PEAK1: variants seen among roughly 807,000 people sequenced by gnomAD.
The protein encoded by PEAK1 is pseudopodium enriched atypical kinase 1.
Under a neutral mutation model 124.7 loss-of-function variants are expected in PEAK1, and 54 were observed. The observed-to-expected ratio is 0.43, with a 90% confidence interval of 0.35 to 0.54. PEAK1 has a LOEUF of 0.54. PEAK1 is among the 20% of genes least tolerant of loss of function. The pLI, the probability that PEAK1 is intolerant of heterozygous loss-of-function variation, is 0.01. For missense variants in PEAK1, 2,046 were observed against 2,134.5 expected (o/e 0.96, Z 0.82); for synonymous variants, 719 against 760.0 (o/e 0.95, Z 0.89).
At chr15:77,403,650 A>G (rs1280880877) in intron 1 of PEAK1, 2 of 885,662 alleles carry the variant, frequency 2.3e-6, no homozygotes, top group East Asian at 2.4e-4. Flanking sequence ...AGATGAATAA[A>G]ACACATCCCC....
At position 77,291,870 on chromosome 15, in the gene PEAK1, A is replaced by G. The variant is rs546892674; in HGVS notation, c.-602-5366T>C. Among the ~76,000 whole-genome samples the G allele has an allele frequency of 2.6e-5, 4 of 151,510 alleles. No homozygotes were observed. The South Asian group carries it at 8.4e-4, about 32-fold the overall frequency. Reference sequence around the variant, plus strand: ...TGGGTGCCTGTAGTCCCCGCTACTCAGGAGGCTGAGGCAGGAGAATGGCGT... The same window carrying G: ...TGGGTGCCTGTAGTCCCCGCTACTCGGGAGGCTGAGGCAGGAGAATGGCGT... On this transcript the variant is annotated intron_variant, in intron 2 of 9. Transcript: ENST00000682557.
chr15:77,401,660 C>G (rs901633105), intron 1 of PEAK1: 6 of 985,058 alleles, frequency 6.1e-6, no homozygotes, highest in East Asian at 2.3e-4. Flanking sequence ...CTTCAATGGA[C>G]ATTGCCACGA....
At chr15:77,166,805 C>G (rs1454267268) in intron 7 of PEAK1, among the ~76,000 whole-genome samples, 2 of 151,900 alleles carry the variant, frequency 1.3e-5, no homozygotes, top group South Asian at 2.1e-4. Flanking sequence ...AAGCAGAGCT[C>G]AAGTAACTTA....
intron 2 of PEAK1, among the ~76,000 whole-genome samples, chr15:77,316,743 ATATG>A (rs2064902744): frequency 6.6e-6 from 1 of 152,190 alleles, no homozygotes; most frequent in Non-Finnish European, 1.5e-5. Flanking sequence ...TATTAAAACT[ATATG>A]TATACCTATG....
chr15:77,410,205 A>G (rs1299220694), intron 1 of PEAK1, among the ~76,000 whole-genome samples: 1 of 151,918 alleles, frequency 6.6e-6, no homozygotes, highest in African/African-American at 2.4e-5. Flanking sequence ...CTCCTGCCTC[A>G]GCCTCCTGAG....
chr15:77,361,802 T>C (rs532211643), intron 2 of PEAK1, among the ~76,000 whole-genome samples: 54 of 151,568 alleles, frequency 3.6e-4, no homozygotes, highest in African/African-American at 9.7e-4. Flanking sequence ...CTACTGACAA[T>C]AGCCAAGATA....
intron 2 of PEAK1, among the ~76,000 whole-genome samples, chr15:77,323,614 C>T (rs1228883535): frequency 1.3e-5 from 2 of 152,210 alleles, no homozygotes; most frequent in South Asian, 2.1e-4. Flanking sequence ...CTACAAACCA[C>T]TGCTCAATGA....
chr15:77,151,296 C>T (rs1280328178), intron 8 of PEAK1, among the ~76,000 whole-genome samples: 1 of 151,976 alleles, frequency 6.6e-6, no homozygotes. Flanking sequence ...TGTCTTTTGG[C>T]TGCATAAATG....
At chr15:77,388,806 C>A (rs371215884) in intron 1 of PEAK1, among the ~76,000 whole-genome samples, 106 of 142,726 alleles carry the variant, frequency 7.4e-4, no homozygotes, top group Non-Finnish European at 6.8e-4. Context: ...CTTCACACTA[C>A]AAAAAAAAAA....
chr15:77,348,799 G>T (rs986639770), intron 2 of PEAK1: 51 of 919,998 alleles, frequency 5.5e-5, no homozygotes, highest in Non-Finnish European at 6.1e-5. Flanking sequence ...TTGTTTTTGT[G>T]GGGGAGGGGG....
rs1223118823 is a variant in PEAK1 at position 77,113,592 on chromosome 15, A to C, written c.*564T>G. 3 of 156,208 alleles carry C rather than the reference A, an allele frequency of 1.9e-5. No homozygotes were observed. Among genetic ancestry groups the C allele is most frequent in the Admixed American group, 1.9e-4 (3 of 16,206 alleles). 9.7% of individuals were successfully genotyped at this position (156,208 alleles called of 1,614,324 possible). ...GGATGGGATCTCTCCTTTTCTTTCT[A>C]CTCTCTCCTGGAACAAAAGATATAG... On this transcript the variant is annotated 3_prime_UTR_variant, in exon 10 of 10. Transcript: ENST00000682557.
rs2051011372 is a variant in PEAK1, at chr15:77,112,131, G to C, written c.*2025C>G. On this transcript the variant is annotated 3_prime_UTR_variant, in exon 10 of 10. Transcript: ENST00000682557. ...GGAGCAGAGCCCTGCACTCTGGCTAGAGGAGGCAAGACTCTTTGTGGGCTA... is the reference window on the plus strand; with the variant it reads ...GGAGCAGAGCCCTGCACTCTGGCTACAGGAGGCAAGACTCTTTGTGGGCTA... The C allele has an allele frequency of 1.3e-5, 2 of 152,256 alleles. No individual in the cohort carries two copies. The highest frequency in any genetic ancestry group is 1.3e-4 in the Admixed American group (2 of 15,288). The allele number at this position is 152,256 out of a possible 1,614,324, so 9.4% of individuals were successfully genotyped here.
chr15:77,401,892 A>T, intron 1 of PEAK1: 1 of 985,332 alleles, frequency 1.0e-6, no homozygotes, highest in Admixed American at 6.1e-5. Context: ...CAAGATACAG[A>T]AGTAGCAAGA....
intron 5 of PEAK1, among the ~76,000 whole-genome samples, chr15:77,276,961 T>C (rs1343172170): frequency 1.3e-5 from 2 of 152,124 alleles, no homozygotes; most frequent in Non-Finnish European, 2.9e-5. Context: ...AGTAGCACTG[T>C]AGTACAGCCG....
intron 8 of PEAK1, among the ~76,000 whole-genome samples, chr15:77,134,729 G>A (rs748126989): frequency 2.0e-4 from 31 of 152,152 alleles, no homozygotes; most frequent in Admixed American, 5.2e-4. Context: ...TTATTAAAAT[G>A]AGGCCTCTAC....
chr15:77,349,725 T>A (rs959027385), intron 2 of PEAK1: 1 of 985,146 alleles, frequency 1.0e-6, no homozygotes, highest in African/African-American at 1.7e-5. Context: ...CTTCTATAAG[T>A]AGGTCAATCA....
chr15:77,198,617 C>CT (rs1281778428), intron 6 of PEAK1, among the ~76,000 whole-genome samples: 2 of 152,074 alleles, frequency 1.3e-5, no homozygotes, highest in African/African-American at 4.8e-5. Flanking sequence ...TGAGAAATAC[C>CT]TTTTTGTATC....
chr15:77,159,342 T>G (rs959120930), intron 7 of PEAK1, among the ~76,000 whole-genome samples: 5 of 152,194 alleles, frequency 3.3e-5, no homozygotes, highest in African/African-American at 1.2e-4. Flanking sequence ...TTAATCTCAT[T>G]TATTAAAATG....
intron 2 of PEAK1, among the ~76,000 whole-genome samples, chr15:77,342,405 CTTTTT>C (rs35640042): frequency 0.011 from 1,226 of 114,358 alleles, 20 homozygotes; most frequent in African/African-American, 0.036. Flanking sequence ...TACAGCATGT[CTTTTT>C]TTTTTTTTTT....
Sources: allele counts gnomAD v4.1 joint callset (sites outside exome capture counted in the v4.1 genomes callset), GRCh38; gene constraint gnomAD v4.1.1; transcripts MANE v1.5; gene names NCBI Gene and HGNC (gene_info 2026-07-23, HGNC 2026-07-21).